CASP6: variants seen among roughly 807,000 people sequenced by gnomAD.
The protein encoded by CASP6 is caspase 6, also known as caspase-6.
A neutral mutation model predicts 31.8 loss-of-function variants in CASP6; 20 were observed. The ratio of observed to expected loss-of-function variants is 0.63; its 90% confidence interval spans 0.44 to 0.91. The LOEUF is 0.91. Among genes scored for constraint, CASP6 ranks in the 40% least tolerant of loss-of-function variants. The pLI is 0.00. For synonymous variants in CASP6, 130 were observed against 127.8 expected, an observed-to-expected ratio of 1.02 and a Z score of -0.12; for missense variants, 328 against 361.1, an observed-to-expected ratio of 0.91 and a Z score of 0.74.
At chr4:109,691,705 C>G (rs1561258185) in intron 5 of CASP6, among the ~76,000 whole-genome samples, 1 of 152,130 alleles carries the variant, frequency 6.6e-6, no homozygotes, top group Admixed American at 6.5e-5. Flanking sequence ...GCCCCAATAC[C>G]TCAACTCTGA....
downstream of CASP6, among the ~76,000 whole-genome samples, chr4:109,683,816 A>C (rs1729770446): frequency 6.6e-6 from 1 of 152,196 alleles, no homozygotes; most frequent in Non-Finnish European, 1.5e-5. Context: ...CTAGAAGTAG[A>C]ATTGCTGAGT....
upstream of CASP6, among the ~76,000 whole-genome samples, chr4:109,705,951 G>T (rs1730584309): frequency 9.2e-6 from 1 of 109,054 alleles, no homozygotes; most frequent in African/African-American, 3.7e-5. Context: ...ACTCCAGTCT[G>T]GGTGACAGAG....
At chr4:109,690,285 C>A (rs1382010098) in intron 6 of CASP6, among the ~76,000 whole-genome samples, 1 of 149,692 alleles carries the variant, frequency 6.7e-6, no homozygotes, top group Non-Finnish European at 1.5e-5. Flanking sequence ...CCTGTACTCC[C>A]AGCACTTTGG....
chr4:109,672,889 A>T, the CASP6 span, among the ~76,000 whole-genome samples: 2 of 152,182 alleles, frequency 1.3e-5, no homozygotes, highest in Non-Finnish European at 2.9e-5. Context: ...ATCCAGGTTG[A>T]CCTTGTACCT....
rs1729950649 is a variant in CASP6 at position 109,689,329 on chromosome 4, A to AT, written c.882dup. ...GTGTAAAATTAGATAGCCTCTATTAATTAATTAGATTTTGGAAAGAAATGC... is the reference window on the plus strand; with the variant it reads ...GTGTAAAATTAGATAGCCTCTATTAATTTAATTAGATTTTGGAAAGAAATGC... On this transcript the variant is annotated 3_prime_UTR_variant, in exon 7 of 7. Coordinates refer to ENST00000265164, the MANE Select transcript of CASP6 (RefSeq NM_001226.4). 6.2e-7 allele frequency: 1 copy of AT among 1,612,930 alleles called. No individual in the cohort carries two copies. Among genetic ancestry groups the AT allele is most frequent in the Non-Finnish European group, 8.5e-7 (1 of 1,179,320 alleles).
chr4:109,695,984 C>T (rs1730227103), intron 4 of CASP6, among the ~76,000 whole-genome samples: 1 of 152,100 alleles, frequency 6.6e-6, no homozygotes, highest in South Asian at 2.1e-4. Context: ...AATTAGAATA[C>T]CTACCCCCTA....
chr4:109,684,944 G>C (rs79767749), downstream of CASP6: 1,302 of 387,598 alleles, frequency 3.4e-3, 13 homozygotes, highest in African/African-American at 0.024. Context: ...AAAACATTCA[G>C]TAACATCAGC....
the CASP6 span, among the ~76,000 whole-genome samples, chr4:109,675,430 T>C: frequency 4.2e-4 from 64 of 152,254 alleles, no homozygotes; most frequent in African/African-American, 1.3e-3. Flanking sequence ...ACTAAGAGAG[T>C]TGAACCAACA....
chr4:109,697,868 C>G (rs947092061), intron 2 of CASP6, 100 bp from the exon 3 acceptor site: 2 of 1,322,648 alleles, frequency 1.5e-6, no homozygotes, highest in African/African-American at 1.5e-5. Context: ...TGAGCTTCCT[C>G]CTTGCCAGGC....
chr4:109,705,354 T>A (rs1730567515), upstream of CASP6, among the ~76,000 whole-genome samples: 1 of 152,146 alleles, frequency 6.6e-6, no homozygotes, highest in East Asian at 1.9e-4. Flanking sequence ...TACTCCTCAT[T>A]GACAATACAC....
the CASP6 span, among the ~76,000 whole-genome samples, chr4:109,670,929 G>A: frequency 1.3e-4 from 20 of 152,178 alleles, no homozygotes; most frequent in African/African-American, 3.6e-4. Context: ...AGTTGTCCAC[G>A]CTGAGCCTCC....
Sources: gnomAD v4.1 joint callset for allele counts (sites outside exome capture counted in the v4.1 genomes callset) on GRCh38, gnomAD v4.1.1 for gene constraint, MANE v1.5 for transcripts, NCBI Gene and HGNC (gene_info 2026-07-23, HGNC 2026-07-21) for gene names.